The following STK39 variants were observed in gnomAD, a reference collection of about 807,000 sequenced individuals.
STK39 encodes STE20/SPS1-related proline-alanine-rich protein kinase.
STK39 carries 20 observed loss-of-function variants against 77.8 expected under a neutral mutation model. The ratio of observed to expected loss-of-function variants is 0.26; its 90% CI spans 0.18 to 0.37. The LOEUF (loss-of-function observed/expected upper bound fraction) is 0.37. Among genes scored for constraint, STK39 ranks in the 10% least tolerant of loss-of-function variants. The probability of loss-of-function intolerance (pLI) is 1.00; values close to 1 mark genes in which losing one functional copy is unlikely to be tolerated. For missense variants in STK39, 479 were observed against 656.5 expected, an observed-to-expected ratio of 0.73 and a Z score of 2.95; for synonymous variants, 246 against 234.1, an observed-to-expected ratio of 1.05 and a Z score of -0.47.
intron 16 of STK39, among the ~76,000 whole-genome samples, chr2:168,008,037 AC>A (rs1684175637): frequency 6.6e-6 from 1 of 151,750 alleles, no homozygotes; most frequent in Admixed American, 6.6e-5. Context: ...CTTAGTAGTC[AC>A]TCCCCTGCCC....
intron 14 of STK39, among the ~76,000 whole-genome samples, chr2:168,044,910 C>G (rs530568841): frequency 5.3e-5 from 8 of 152,266 alleles, no homozygotes; most frequent in African/African-American, 1.9e-4. Flanking sequence ...TAATTACATT[C>G]TCCTTTCAGG....
In STK39 at chr2:168,075,202, G is replaced by A. The variant is rs756019636; in HGVS notation, c.1119C>T (p.His373=). The part of the protein sequence containing the change: ...KVRRVPGSSG[H]LHKTEDGDWE... ...AGTCCCCGTCTTCGGTTTTATGAAG[G>A]TGACCACTTGACCCAGGAACTCTTC... Residue 373 remains histidine, a synonymous_variant, in exon 11 of 18, where the codon CAC becomes CAT. Coordinates refer to ENST00000355999, the MANE Select transcript of STK39 (RefSeq NM_013233.3). The A allele has an allele frequency of 6.2e-7, 1 of 1,614,028 alleles. No individual in the cohort carries two copies. Among genetic ancestry groups the A allele is most frequent in the Admixed American group, 1.7e-5 (1 of 60,012 alleles).
chr2:168,214,182 G>A (rs999754531), intron 1 of STK39, among the ~76,000 whole-genome samples: 10 of 151,956 alleles, frequency 6.6e-5, no homozygotes, highest in Non-Finnish European at 1.0e-4. Context: ...TGCAGAACAG[G>A]GTGATGACGG....
intron 15 of STK39, among the ~76,000 whole-genome samples, chr2:168,015,314 T>C (rs1447387381): frequency 6.6e-6 from 1 of 152,246 alleles, no homozygotes; most frequent in East Asian, 1.9e-4. Flanking sequence ...CACATGTATA[T>C]ACAGCACAAG....
chr2:168,133,062 A>G (rs1281527832), intron 8 of STK39, among the ~76,000 whole-genome samples: 1 of 152,172 alleles, frequency 6.6e-6, no homozygotes, highest in East Asian at 1.9e-4. Context: ...GGAAGTGCCA[A>G]CGTAAGGAGG....
chr2:168,176,881 A>G (rs185856176), intron 2 of STK39, among the ~76,000 whole-genome samples: 50 of 152,344 alleles, frequency 3.3e-4, no homozygotes, highest in African/African-American at 1.1e-3. Flanking sequence ...ATGATTTGCT[A>G]GTAATTAGTA....
At chr2:167,955,604 T>TTGC (rs754020591) in intron 17 of STK39, 34 bp from the exon 18 acceptor site, 4 of 1,601,098 alleles carry the variant, frequency 2.5e-6, no homozygotes, top group Admixed American at 3.4e-5. Context: ...CAATGCTGGT[T>TTGC]TGCTGCTGCT....
At chr2:168,032,496 C>A (rs1225822532) in intron 14 of STK39, among the ~76,000 whole-genome samples, 1 of 152,200 alleles carries the variant, frequency 6.6e-6, no homozygotes, top group East Asian at 1.9e-4. Flanking sequence ...ATAATGGTTT[C>A]TTCAATGACT....
At chr2:168,020,834 G>A (rs1684552218) in intron 14 of STK39, among the ~76,000 whole-genome samples, 1 of 151,964 alleles carries the variant, frequency 6.6e-6, no homozygotes, top group South Asian at 2.1e-4. Context: ...CCATACTGAA[G>A]GTACCAAATA....
chr2:168,239,020 C>T (rs1252784094), intron 1 of STK39, among the ~76,000 whole-genome samples: 2 of 152,106 alleles, frequency 1.3e-5, no homozygotes, highest in Admixed American at 6.5e-5. Flanking sequence ...TAGAATGACC[C>T]GGTTCTATGG....
intron 5 of STK39, among the ~76,000 whole-genome samples, chr2:168,147,157 C>T (rs1688160756): frequency 6.6e-6 from 1 of 152,200 alleles, no homozygotes; most frequent in Non-Finnish European, 1.5e-5. Flanking sequence ...CACAGAAAAA[C>T]TGGTTTGAGG....
At chr2:168,162,355 G>GA (rs1458356973) in intron 4 of STK39, among the ~76,000 whole-genome samples, 2 of 151,204 alleles carry the variant, frequency 1.3e-5, no homozygotes, top group East Asian at 3.9e-4. Flanking sequence ...ACTCGTGGGG[G>GA]AGAGTTAGGA....
intron 16 of STK39, among the ~76,000 whole-genome samples, chr2:167,999,757 C>T (rs1226812914): frequency 6.6e-6 from 1 of 152,138 alleles, no homozygotes; most frequent in Non-Finnish European, 1.5e-5. Flanking sequence ...CCACTGCGCC[C>T]GGCCCGAGAT....
At chr2:168,122,572 T>C (rs1334596436) in intron 10 of STK39, among the ~76,000 whole-genome samples, 2 of 152,094 alleles carry the variant, frequency 1.3e-5, no homozygotes, top group Non-Finnish European at 2.9e-5. Flanking sequence ...CCTGTGTAAC[T>C]GGAAGCACAG....
chr2:168,247,272 C>G lies in STK39; in HGVS notation c.164G>C (p.Gly55Ala). The G allele has an allele frequency of 2.7e-6, 3 of 1,092,356 alleles. No individual in the cohort carries two copies. Among genetic ancestry groups the G allele is most frequent in the Non-Finnish European group, 3.3e-6 (3 of 900,464 alleles). 67.7% of individuals were successfully genotyped at this position (1,092,356 alleles called of 1,614,324 possible). Reference sequence around the variant, plus strand: ...GTACGCGTCCCTGCAGATGGGCCAGCCGACAGCCTGTGCCGCCGGGGCCGG... The same window carrying G: ...GTACGCGTCCCTGCAGATGGGCCAGGCGACAGCCTGTGCCGCCGGGGCCGG... ...PAPAPAAQAV[G>A]WPICRDAYEL... The change falls in exon 1 of 18, where the codon GGC (glycine) becomes GCC (alanine). Residue 55 changes from glycine to alanine, a missense_variant. Transcript: ENST00000355999.
intron 10 of STK39, among the ~76,000 whole-genome samples, chr2:168,104,055 A>G (rs1559098773): frequency 6.6e-6 from 1 of 152,210 alleles, no homozygotes; most frequent in Non-Finnish European, 1.5e-5. Flanking sequence ...AAGGTCTAAG[A>G]AAAGCAAGGT....
chr2:168,245,294 C>G (rs994057880), intron 1 of STK39, among the ~76,000 whole-genome samples: 1 of 152,216 alleles, frequency 6.6e-6, no homozygotes, highest in African/African-American at 2.4e-5. Flanking sequence ...CCTTCGGGCT[C>G]TCCCAGTACT....
At chr2:168,105,296 T>C (rs1452622645) in intron 10 of STK39, among the ~76,000 whole-genome samples, 1 of 152,148 alleles carries the variant, frequency 6.6e-6, no homozygotes, top group African/African-American at 2.4e-5. Context: ...TCCAACCTAA[T>C]CTTCACTGGG....
At chr2:168,245,541 T>A (rs1417948706) in intron 1 of STK39, among the ~76,000 whole-genome samples, 1 of 152,188 alleles carries the variant, frequency 6.6e-6, no homozygotes, top group Non-Finnish European at 1.5e-5. Flanking sequence ...TTTCAAGGAA[T>A]ATTCACACTC....
Sources: gnomAD v4.1 joint callset for allele counts (sites outside exome capture counted in the v4.1 genomes callset) on GRCh38, gnomAD v4.1.1 for gene constraint, MANE v1.5 for transcripts, NCBI Gene and HGNC (gene_info 2026-07-23, HGNC 2026-07-21) for gene names.